The following FBXO25 variants were observed in gnomAD, a reference collection of about 807,000 sequenced individuals.
The protein encoded by FBXO25 is F-box only protein 25.
In FBXO25, 45 loss-of-function variants were observed where a neutral mutation model predicts 51.9. That is an observed-to-expected ratio of 0.87 (90% CI 0.68 to 1.11). FBXO25 has a LOEUF of 1.11. FBXO25 is among the 50% of genes most tolerant of loss of function. The pLI, the probability that FBXO25 is intolerant of heterozygous loss-of-function variation, is 0.00. For synonymous variants in FBXO25, 199 were observed against 151.0 expected, an observed-to-expected ratio of 1.32 and a Z score of -2.33; for missense variants, 507 against 428.5, an observed-to-expected ratio of 1.18 and a Z score of -1.62.
intron 7 of FBXO25, among the ~76,000 whole-genome samples, chr8:456,610 T>A (rs1799447856): frequency 1.3e-5 from 2 of 152,050 alleles, no homozygotes; most frequent in African/African-American, 2.4e-5. Context: ...GCAAAAAACG[T>A]GTGTACAGAC....
intron 2 of FBXO25, among the ~76,000 whole-genome samples, chr8:419,141 C>T (rs1395846313): frequency 6.6e-6 from 1 of 152,068 alleles, no homozygotes; most frequent in Non-Finnish European, 1.5e-5. Context: ...GGGCGGATCA[C>T]CTGAGGTCAG....
chr8:451,302 A>C lies in FBXO25; in HGVS notation c.509A>C (p.Lys170Thr), dbSNP rs201151069. Residue 170 changes from lysine to threonine, a missense_variant, in exon 7 of 10, where the codon AAA becomes ACA. Coordinates refer to ENST00000350302, the MANE Select transcript of FBXO25 (RefSeq NM_183420.2). Reference protein sequence around the residue: ...LDDHHNPRLIKDLLQDLSSTL... With the variant: ...LDDHHNPRLITDLLQDLSSTL... ...GACCACCACAATCCTCGCTTAATCA[A>C]AGATCTTCTGCAAGACCTAAGCTCT... The C allele has an allele frequency of 6.2e-7, 1 of 1,610,704 alleles. No individual in the cohort carries two copies. The highest frequency in any genetic ancestry group is 8.5e-7 in the Non-Finnish European group (1 of 1,179,182).
chr8:431,690 A>T (rs556192657), intron 3 of FBXO25, among the ~76,000 whole-genome samples: 1 of 152,304 alleles, frequency 6.6e-6, no homozygotes, highest in African/African-American at 2.4e-5. Context: ...TGAATGCTTG[A>T]ATTATGGTCA....
At chr8:466,544 A>G (rs114471663) in intron 9 of FBXO25, among the ~76,000 whole-genome samples, 1 of 152,320 alleles carries the variant, frequency 6.6e-6, no homozygotes, top group African/African-American at 2.4e-5. Flanking sequence ...CTGTTAAGAA[A>G]ATGAGACTGG....
In FBXO25 at chr8:412,934, A is replaced by G. The variant is rs559643042; in HGVS notation, c.-7-139A>G. 8.5e-5 allele frequency: 71 copies of G among 834,046 alleles called. No individual in the cohort carries two copies. The East Asian group carries it at 2.1e-3, about 24-fold the overall frequency. The allele number at this position is 834,046 out of a possible 1,614,324, so 51.7% of individuals were successfully genotyped here. Reference sequence around the variant, plus strand: ...GTACTGTGTTATTGTCACTGTCACCAATGTCGAGCCAACGTTTAATTAATG... The same window carrying G: ...GTACTGTGTTATTGTCACTGTCACCGATGTCGAGCCAACGTTTAATTAATG... On this transcript the variant is annotated intron_variant, in intron 1 of 9. Coordinates refer to ENST00000350302, the MANE Select transcript of FBXO25 (RefSeq NM_183420.2).
At chr8:419,829 A>C (rs924087510) in intron 2 of FBXO25, among the ~76,000 whole-genome samples, 2 of 152,186 alleles carry the variant, frequency 1.3e-5, no homozygotes, top group African/African-American at 2.4e-5. Context: ...CAAAATTTTA[A>C]AATTCTACTC....
chr8:449,612 A>G (rs1264514782), intron 5 of FBXO25, among the ~76,000 whole-genome samples: 1 of 152,196 alleles, frequency 6.6e-6, no homozygotes, highest in Non-Finnish European at 1.5e-5. Flanking sequence ...TTGTGAAAAT[A>G]CTTGTTAGTG....
At chr8:450,825 A>ATATTAC (rs1403773290) in intron 6 of FBXO25, 3 of 157,252 alleles carry the variant, frequency 1.9e-5, no homozygotes, top group African/African-American at 7.2e-5. Flanking sequence ...AAGTGTGTGT[A>ATATTAC]TATTACTGTG....
In FBXO25 at chr8:474,725, T is replaced by A; in HGVS notation, c.*5921T>A. On this transcript the variant is annotated 3_prime_UTR_variant, in exon 10 of 10. Transcript: ENST00000350302. The stretch of plus-strand genomic sequence containing the variant: ...CCATTTTTCAATCAGGTGTGTGTTT[T>A]TATATGTTCTGGGTATTCACCCTTT... 2.2e-6 allele frequency: 1 copy of A among 456,512 alleles called. No homozygotes were observed. The highest frequency in any genetic ancestry group is 4.4e-6 in the Non-Finnish European group (1 of 226,962). 28.3% of individuals were successfully genotyped at this position (456,512 alleles called of 1,614,324 possible).
At chr8:451,713 A>G in intron 7 of FBXO25, among the ~76,000 whole-genome samples, 1 of 152,226 alleles carries the variant, frequency 6.6e-6, no homozygotes, top group East Asian at 1.9e-4. Context: ...ATTTACCTTC[A>G]TGGGAAACTG....
At chr8:428,377 C>T (rs1797617780) in intron 2 of FBXO25, among the ~76,000 whole-genome samples, 1 of 152,108 alleles carries the variant, frequency 6.6e-6, no homozygotes, top group Non-Finnish European at 1.5e-5. Context: ...TGTTTGTGCC[C>T]TGTATTTTCC....
chr8:418,708 A>G (rs542768098), intron 2 of FBXO25, among the ~76,000 whole-genome samples: 1 of 152,188 alleles, frequency 6.6e-6, no homozygotes, highest in Admixed American at 6.5e-5. Flanking sequence ...CTTCTAAAAA[A>G]CTAAGAAGAT....
intron 5 of FBXO25, among the ~76,000 whole-genome samples, chr8:447,295 G>A (rs1798799417): frequency 6.6e-6 from 1 of 152,058 alleles, no homozygotes; most frequent in South Asian, 2.1e-4. Context: ...GTGGAACTGG[G>A]AAGGCTGGAA....
At chr8:462,888 A>C in intron 8 of FBXO25, 119 bp from the exon 9 acceptor site, 1 of 1,166,798 alleles carries the variant, frequency 8.6e-7, no homozygotes, top group Non-Finnish European at 1.2e-6. Context: ...GTAACCCTAA[A>C]GCTATTGAAG....
intron 2 of FBXO25, among the ~76,000 whole-genome samples, chr8:429,556 A>G (rs1456415386): frequency 1.3e-5 from 2 of 152,270 alleles, no homozygotes; most frequent in African/African-American, 4.8e-5. Flanking sequence ...ATACTCCTTT[A>G]TTAACATTTT....
At chr8:461,706 T>G (rs933369080) in intron 8 of FBXO25, among the ~76,000 whole-genome samples, 10 of 152,172 alleles carry the variant, frequency 6.6e-5, no homozygotes, top group African/African-American at 2.4e-4. Flanking sequence ...TAATCGACTT[T>G]CTGTCTCTGT....
chr8:421,328 C>T (rs551937638), intron 2 of FBXO25, among the ~76,000 whole-genome samples: 3 of 152,108 alleles, frequency 2.0e-5, no homozygotes, highest in Non-Finnish European at 4.4e-5. Flanking sequence ...GTCCTTGGTG[C>T]CAAAACGGTT....
chr8:439,767 C>T (rs1303083582), intron 5 of FBXO25, among the ~76,000 whole-genome samples: 1 of 152,162 alleles, frequency 6.6e-6, no homozygotes, highest in Admixed American at 6.6e-5. Flanking sequence ...TCCCAAGGAT[C>T]TCTTAAATGT....
chr8:432,072 G>A (rs1188415028), intron 3 of FBXO25, among the ~76,000 whole-genome samples: 7 of 152,014 alleles, frequency 4.6e-5, no homozygotes, highest in Non-Finnish European at 2.9e-5. Context: ...AGAGATTAAC[G>A]AGAATAATAA....
Sources: allele counts gnomAD v4.1 joint callset (sites outside exome capture counted in the v4.1 genomes callset), GRCh38; gene constraint gnomAD v4.1.1; transcripts MANE v1.5; gene names NCBI Gene and HGNC (gene_info 2026-07-23, HGNC 2026-07-21).